The following WDR37 variants were observed in gnomAD, a reference collection of about 807,000 sequenced individuals.
WDR37 encodes the protein WD repeat-containing protein 37.
Under a neutral mutation model 62.9 loss-of-function variants are expected in WDR37, and 19 were observed. The ratio of observed to expected loss-of-function variants is 0.30; its 90% confidence interval spans 0.21 to 0.44. The LOEUF (loss-of-function observed/expected upper bound fraction) is 0.44, where lower values mean the gene tolerates loss of function less well. Ranked by LOEUF, WDR37 falls within the 20% of genes least tolerant of loss-of-function variation. The probability of loss-of-function intolerance (pLI) is 1.00; values close to 1 mark genes in which losing one functional copy is unlikely to be tolerated. For missense variants in WDR37, 474 were observed against 657.6 expected (o/e 0.72, Z 3.05); for synonymous variants, 250 against 260.9 (o/e 0.96, Z 0.40).
At chr10:1,077,700 A>T (rs879767251) in intron 2 of WDR37, among the ~76,000 whole-genome samples, 3 of 152,236 alleles carry the variant, frequency 2.0e-5, no homozygotes, top group Non-Finnish European at 4.4e-5. Context: ...ATCCCATATC[A>T]TACTAGGTAG....
intron 11 of WDR37, among the ~76,000 whole-genome samples, chr10:1,114,289 G>T (rs1051734945): frequency 7.2e-5 from 11 of 152,262 alleles, no homozygotes; most frequent in African/African-American, 2.6e-4. Flanking sequence ...CATCACATGC[G>T]GTAGAGAAAT....
rs925726467 is a variant in WDR37, at chr10:1,105,941, A to G, written c.1103+674A>G. ...GCTGGGACTAGAGGCACCTGCCACCACGCCTGGCTAGTTTTTTGTATTTTT... is the reference window on the plus strand; with the variant it reads ...GCTGGGACTAGAGGCACCTGCCACCGCGCCTGGCTAGTTTTTTGTATTTTT... On this transcript the variant is annotated intron_variant, in intron 11 of 13. Transcript: ENST00000263150. The surrounding 1 kb of genome is among the most constrained non-coding windows in gnomAD (Gnocchi z 5.3). Among the ~76,000 whole-genome samples the G allele has an allele frequency of 4.6e-5, 7 of 151,856 alleles. No homozygotes were observed. The East Asian group carries it at 1.2e-3, about 25-fold the overall frequency.
intron 1 of WDR37, among the ~76,000 whole-genome samples, chr10:1,058,570 G>T (rs933603726): frequency 4.6e-5 from 7 of 152,204 alleles, no homozygotes; most frequent in African/African-American, 1.7e-4. Context: ...TAACTACTGA[G>T]ATCTTTTGAA....
At chr10:1,082,905 T>C (rs1330056455) in intron 5 of WDR37, among the ~76,000 whole-genome samples, 1 of 152,158 alleles carries the variant, frequency 6.6e-6, no homozygotes, top group Non-Finnish European at 1.5e-5. Flanking sequence ...AATACTGTTA[T>C]TAATGTTAGA....
intron 11 of WDR37, among the ~76,000 whole-genome samples, chr10:1,109,785 G>A (rs1215265996): frequency 6.6e-6 from 1 of 152,200 alleles, no homozygotes; most frequent in Non-Finnish European, 1.5e-5. Context: ...AACAATGGTA[G>A]TTTTTTAGAG....
At chr10:1,116,317 C>T (rs1352625232) in intron 11 of WDR37, among the ~76,000 whole-genome samples, 1 of 152,020 alleles carries the variant, frequency 6.6e-6, no homozygotes, top group Non-Finnish European at 1.5e-5. Flanking sequence ...CTCCCGTCAC[C>T]CACCCCTCCC....
chr10:1,109,934 C>T (rs969965881), intron 11 of WDR37, among the ~76,000 whole-genome samples: 4 of 152,106 alleles, frequency 2.6e-5, no homozygotes, highest in African/African-American at 7.2e-5. Flanking sequence ...GTGTAATTCC[C>T]GTGTGCCCTT....
At chr10:1,064,996 C>A (rs778481177) in intron 1 of WDR37, among the ~76,000 whole-genome samples, 2 of 152,046 alleles carry the variant, frequency 1.3e-5, no homozygotes, top group African/African-American at 4.8e-5. Flanking sequence ...AATTTTATAT[C>A]AAGTGAAAAC....
At chr10:1,080,622 C>A in intron 5 of WDR37, 146 bp downstream of exon 5, 1 of 941,140 alleles carries the variant, frequency 1.1e-6, no homozygotes, top group Non-Finnish European at 1.6e-6. Context: ...AAGGAATGTC[C>A]TGGCTGGGCA....
intron 11 of WDR37, among the ~76,000 whole-genome samples, chr10:1,112,284 T>C (rs1311911072): frequency 3.9e-5 from 6 of 152,218 alleles, no homozygotes. Context: ...GTAACTGTTA[T>C]AATTGGTTTT....
rs1589083345 is a variant in WDR37, at chr10:1,074,629, G to T, written c.138+2336G>T. ...GCGGGAGAGAGCTGTGGTGTCTGCC[G>T]CACGCGTTTGGCATGGTAGGTGTGA... On this transcript the variant is annotated intron_variant, in intron 2 of 13. Coordinates refer to ENST00000263150, the MANE Select transcript of WDR37 (RefSeq NM_014023.4). 4 of 835,458 alleles carry T rather than the reference G, an allele frequency of 4.8e-6. No homozygotes were observed. The East Asian group carries it at 2.5e-4, about 53-fold the overall frequency. 51.8% of individuals were successfully genotyped at this position (835,458 alleles called of 1,614,324 possible).
In WDR37 at chr10:1,056,727, C is replaced by G. The variant is rs1589065705; in HGVS notation, c.-282C>G. ...GCCGGGGCGTGACTTCCGGCGCCGC[C>G]GGGTGTGGGGCGGAGGTGTGGGGCG... On this transcript the variant is annotated 5_prime_UTR_variant, in exon 1 of 14. Coordinates refer to ENST00000263150, the MANE Select transcript of WDR37 (RefSeq NM_014023.4). 6.6e-6 allele frequency: 1 copy of G among 152,260 alleles called. No homozygotes were observed. The highest frequency in any genetic ancestry group is 2.1e-4 in the South Asian group (1 of 4,838). The allele number at this position is 152,260 out of a possible 1,614,324, so 9.4% of individuals were successfully genotyped here.
intron 1 of WDR37, among the ~76,000 whole-genome samples, chr10:1,062,296 C>T (rs1833397214): frequency 6.6e-6 from 1 of 152,138 alleles, no homozygotes; most frequent in Non-Finnish European, 1.5e-5. Context: ...AAAGAGAACA[C>T]CATGCAACTT....
In WDR37 at chr10:1,131,254, C is replaced by A. The variant is rs1407250362; in HGVS notation, c.*1910C>A. ...CACATACAAAGGTCTGAGCCCAGGG[C>A]AGCTTCTGGGGCCACTGCACAGGCC... On this transcript the variant is annotated 3_prime_UTR_variant, in exon 14 of 14. Transcript: ENST00000263150. The A allele has an allele frequency of 1.3e-5, 2 of 152,260 alleles. No individual in the cohort carries two copies. Among genetic ancestry groups the A allele is most frequent in the African/African-American group, 4.8e-5 (2 of 41,456 alleles). 9.4% of individuals were successfully genotyped at this position (152,260 alleles called of 1,614,324 possible).
intron 11 of WDR37, among the ~76,000 whole-genome samples, chr10:1,108,500 C>T (rs1224860117): frequency 6.6e-6 from 1 of 152,312 alleles, no homozygotes; most frequent in South Asian, 2.1e-4. Context: ...GAGGTGCTCT[C>T]CTGTTTCAAA....
intron 7 of WDR37, among the ~76,000 whole-genome samples, chr10:1,091,854 A>G (rs1834398274): frequency 6.6e-6 from 1 of 152,208 alleles, no homozygotes; most frequent in Admixed American, 6.5e-5. Context: ...GCAAGGGGGA[A>G]GGTGAAGTGC....
In WDR37 at chr10:1,098,873, A is replaced by G. The variant is rs143474832; in HGVS notation, c.726+2627A>G. Among the ~76,000 whole-genome samples, 1,058 of 152,302 alleles carry G rather than the reference A, an allele frequency of 6.9e-3. 18 individuals are homozygous for G. The highest frequency in any genetic ancestry group is 0.024 in the African/African-American group (1,012 of 41,564). ...TGCTCCTTCACCTCTGTATGCATGCATCTGCTCCATCCTTCCTTTCAACAG... is the reference window on the plus strand; with the variant it reads ...TGCTCCTTCACCTCTGTATGCATGCGTCTGCTCCATCCTTCCTTTCAACAG... On this transcript the variant is annotated intron_variant, in intron 9 of 13. Transcript: ENST00000263150.
chr10:1,101,434 T>A (rs965108873), intron 9 of WDR37, among the ~76,000 whole-genome samples: 1 of 152,230 alleles, frequency 6.6e-6, no homozygotes, highest in Non-Finnish European at 1.5e-5. Flanking sequence ...CCTATTGGAA[T>A]AGGATCCACT....
intron 2 of WDR37, 84 bp downstream of exon 2, chr10:1,072,377 G>T (rs1347954274): frequency 1.3e-6 from 2 of 1,544,344 alleles, no homozygotes; most frequent in African/African-American, 2.7e-5. Flanking sequence ...GAGTGCGATG[G>T]TGCGATCTCC....
Sources: allele counts gnomAD v4.1 joint callset (sites outside exome capture counted in the v4.1 genomes callset), GRCh38; gene constraint gnomAD v4.1.1; non-coding constraint Gnocchi (gnomAD v3.1); transcripts MANE v1.5; gene names NCBI Gene and HGNC (gene_info 2026-07-23, HGNC 2026-07-21).